LPIN2: variants seen among roughly 807,000 people sequenced by gnomAD.
LPIN2 encodes the protein phosphatidate phosphatase LPIN2.
Under a neutral mutation model 111.4 loss-of-function variants are expected in LPIN2, and 55 were observed. The ratio of observed to expected loss-of-function variants is 0.49; its 90% CI spans 0.40 to 0.62. The LOEUF (loss-of-function observed/expected upper bound fraction) is 0.62, where lower values mean the gene tolerates loss of function less well. LPIN2 is among the 20% of genes least tolerant of loss of function. The pLI, the probability that LPIN2 is intolerant of heterozygous loss-of-function variation, is 0.00. For synonymous variants in LPIN2, 425 were observed against 414.0 expected (o/e 1.03, Z -0.32); for missense variants, 992 against 1,112.1 (o/e 0.89, Z 1.54).
intron 3 of LPIN2, among the ~76,000 whole-genome samples, chr18:2,951,562 C>T (rs912999594): frequency 1.3e-5 from 2 of 152,158 alleles, no homozygotes; most frequent in African/African-American, 4.8e-5. Flanking sequence ...AGTACCAGCC[C>T]ACTTGGGTAC....
intron 16 of LPIN2, among the ~76,000 whole-genome samples, chr18:2,922,489 T>C (rs1598520093): frequency 1.3e-5 from 2 of 152,030 alleles, no homozygotes; most frequent in African/African-American, 4.8e-5. Flanking sequence ...GTTGGCTAGA[T>C]TGGTCTTAAG....
chr18:2,998,402 C>T (rs1296480622), intron 1 of LPIN2, among the ~76,000 whole-genome samples: 1 of 152,198 alleles, frequency 6.6e-6, no homozygotes, highest in Non-Finnish European at 1.5e-5. Context: ...GAAAACAAGG[C>T]CTCTTTCACT....
intron 1 of LPIN2, among the ~76,000 whole-genome samples, chr18:3,001,111 G>A (rs1424402413): frequency 1.3e-5 from 2 of 152,170 alleles, no homozygotes; most frequent in African/African-American, 2.4e-5. Flanking sequence ...AGTTGGGTAG[G>A]AGGCTCAAAT....
intron 4 of LPIN2, among the ~76,000 whole-genome samples, chr18:2,942,732 G>A (rs551030132): frequency 7.9e-5 from 12 of 152,304 alleles, no homozygotes; most frequent in Admixed American, 2.0e-4. Flanking sequence ...TCAGTCCTAA[G>A]ATTCCTTTAT....
rs1568515777 is a variant in LPIN2, at chr18:2,925,790, G to C, written c.1794-422C>G. Among the ~76,000 whole-genome samples the C allele has an allele frequency of 6.6e-6, 1 of 152,192 alleles. No individual in the cohort carries two copies. The highest frequency in any genetic ancestry group is 1.5e-5 in the Non-Finnish European group (1 of 68,034). On this transcript the variant is annotated intron_variant, in intron 13 of 19. Coordinates refer to ENST00000677752, the MANE Select transcript of LPIN2 (RefSeq NM_001375808.2). This position sits in a 1 kb window ranked among gnomAD's most constrained non-coding sequence, Gnocchi z 4.1. ...GGAGGCCGAGTTAGGAGGACACCTT[G>C]AGCCCAGGAGTTTGAGACCAGCCTG...
Position 2,917,802 on chromosome 18 carries a change from G to GTTT in LPIN2, c.*2490_*2491insAAA. ...CGAGACTTAGACTGAACTGCAAAGAGGGAAAGGGCCATTTCACCAATGGAG... is the reference window on the plus strand; with the variant it reads ...CGAGACTTAGACTGAACTGCAAAGAGTTTGGAAAGGGCCATTTCACCAATGGAG... On this transcript the variant is annotated 3_prime_UTR_variant, in exon 20 of 20. Transcript: ENST00000677752. 1 of 152,296 alleles carries GTTT rather than the reference G, an allele frequency of 6.6e-6. No homozygotes were observed. Among genetic ancestry groups the GTTT allele is most frequent in the South Asian group, 2.1e-4 (1 of 4,820 alleles). The allele number at this position is 152,296 out of a possible 1,614,324, so 9.4% of individuals were successfully genotyped here.
intron 1 of LPIN2, among the ~76,000 whole-genome samples, chr18:2,971,614 T>C (rs2077913278): frequency 2.6e-5 from 4 of 151,954 alleles, no homozygotes; most frequent in Admixed American, 2.0e-4. Flanking sequence ...AATGAATAAA[T>C]GAATGAATGA....
At chr18:2,954,789 G>A (rs2077584512) in intron 2 of LPIN2, among the ~76,000 whole-genome samples, 190 bp from the exon 3 acceptor site, 1 of 152,210 alleles carries the variant, frequency 6.6e-6, no homozygotes, top group African/African-American at 2.4e-5. Context: ...CAGAGGGAGA[G>A]ATGGACAACC....
Position 2,924,541 on chromosome 18 carries a change from T to C in LPIN2, c.1944A>G (p.Lys648=), listed in dbSNP as rs755809151. 2 of 1,614,178 alleles carry C rather than the reference T, an allele frequency of 1.2e-6. No individual in the cohort carries two copies. Among genetic ancestry groups the C allele is most frequent in the Non-Finnish European group, 1.7e-6 (2 of 1,180,014 alleles). Residue 648 remains lysine, a synonymous_variant, in exon 15 of 20, where the codon AAA becomes AAG. Coordinates refer to ENST00000677752, the MANE Select transcript of LPIN2 (RefSeq NM_001375808.2). The part of the protein sequence containing the change: ...SLRLSSDQIA[K]LKLHDGPNDV... ...CATTTGGGCCATCGTGGAGCTTCAG[T>C]TTTGCCTTTTAAAAAAGCATAAGAA...
intron 16 of LPIN2, among the ~76,000 whole-genome samples, chr18:2,923,187 G>A (rs540812456): frequency 2.6e-5 from 4 of 152,096 alleles, no homozygotes; most frequent in South Asian, 2.1e-4. Context: ...TTGGGAGGCC[G>A]AGGCGGGGAG....
chr18:2,935,585 G>A (rs1037379845), intron 7 of LPIN2, among the ~76,000 whole-genome samples: 3 of 152,168 alleles, frequency 2.0e-5, no homozygotes, highest in Non-Finnish European at 2.9e-5. Flanking sequence ...TGCAATTTTG[G>A]CTTGGGAAAC....
Position 2,940,632 on chromosome 18 carries a change from G to A in LPIN2, c.671C>T (p.Ser224Phe). 1 of 1,612,450 alleles carries A rather than the reference G, an allele frequency of 6.2e-7. No individual in the cohort carries two copies. The highest frequency in any genetic ancestry group is 8.5e-7 in the Non-Finnish European group (1 of 1,178,704). ...CTCTAAAGGGGACCAATCTCCATCA[G>A]ATAAGGGGTAATGATCCCCAGAATG... ...LFHSGDHYPLSDGDWSPLETT... is the reference protein window; with the variant it reads ...LFHSGDHYPLFDGDWSPLETT... The change falls in exon 5 of 20, where the codon TCT becomes TTT. Residue 224 changes from serine to phenylalanine, a missense_variant. Coordinates refer to ENST00000677752, the MANE Select transcript of LPIN2 (RefSeq NM_001375808.2).
chr18:2,947,433 C>T (rs1457133291), intron 4 of LPIN2, among the ~76,000 whole-genome samples: 2 of 152,160 alleles, frequency 1.3e-5, no homozygotes, highest in Non-Finnish European at 2.9e-5. Flanking sequence ...CAACGCCCAT[C>T]TTTAGGAAGG....
Position 2,951,043 on chromosome 18 carries a change from TGA to T in LPIN2, c.590+10_590+11del, listed in dbSNP as rs769949222. Reference sequence around the variant, plus strand: ...TACCCGCACAAGACCCTTCCCAGGCTGAGAGTCCTACCGTGCTGCCTGGGCCC... The same window carrying T: ...TACCCGCACAAGACCCTTCCCAGGCTGAGTCCTACCGTGCTGCCTGGGCCC... On this transcript the variant is annotated intron_variant, in intron 4 of 19. Transcript: ENST00000677752. The T allele has an allele frequency of 1.2e-6, 2 of 1,613,824 alleles. No homozygotes were observed. The highest frequency in any genetic ancestry group is 4.5e-5 in the East Asian group (2 of 44,878).
chr18:2,944,269 A>G, intron 4 of LPIN2, among the ~76,000 whole-genome samples: 1 of 148,204 alleles, frequency 6.7e-6, no homozygotes. Flanking sequence ...TTTATTTAAC[A>G]TGTAATAGTC....
chr18:2,982,413 A>G (rs941815969), intron 1 of LPIN2, among the ~76,000 whole-genome samples: 21 of 145,760 alleles, frequency 1.4e-4, no homozygotes, highest in South Asian at 4.2e-4. Flanking sequence ...TTTTCCTAGG[A>G]AAAAAAAGTC....
At position 2,951,046 on chromosome 18, in the gene LPIN2, G is replaced by A. The variant is rs773442071; in HGVS notation, c.590+9C>T. 1 of 1,613,914 alleles carries A rather than the reference G, an allele frequency of 6.2e-7. No homozygotes were observed. Among genetic ancestry groups the A allele is most frequent in the South Asian group, 1.1e-5 (1 of 91,058 alleles). On this transcript the variant is annotated intron_variant, in intron 4 of 19. Coordinates refer to ENST00000677752, the MANE Select transcript of LPIN2 (RefSeq NM_001375808.2). The stretch of plus-strand genomic sequence containing the variant: ...CCGCACAAGACCCTTCCCAGGCTGA[G>A]AGTCCTACCGTGCTGCCTGGGCCCC...
intron 1 of LPIN2, among the ~76,000 whole-genome samples, chr18:3,012,649 CG>C (rs2078626172): frequency 6.6e-6 from 1 of 152,172 alleles, no homozygotes; most frequent in Non-Finnish European, 1.5e-5. Context: ...CCCGCAGGGC[CG>C]GGGGCGGGAT....
chr18:2,943,061 G>A (rs936919253), intron 4 of LPIN2, among the ~76,000 whole-genome samples: 3 of 152,104 alleles, frequency 2.0e-5, no homozygotes, highest in African/African-American at 7.2e-5. Flanking sequence ...TTCAAATTCC[G>A]CATCATTTTC....
Sources: allele counts gnomAD v4.1 joint callset (sites outside exome capture counted in the v4.1 genomes callset), GRCh38; gene constraint gnomAD v4.1.1; non-coding constraint Gnocchi (gnomAD v3.1); transcripts MANE v1.5; gene names NCBI Gene and HGNC (gene_info 2026-07-23, HGNC 2026-07-21).